The following ANKRD16 variants were observed in gnomAD, a reference collection of about 807,000 sequenced individuals.
ANKRD16 encodes ankyrin repeat domain 16.
ANKRD16 carries 35 observed loss-of-function variants against 37.9 expected under a neutral mutation model. The observed-to-expected ratio is 0.92, with a 90% CI of 0.71 to 1.23. The LOEUF (loss-of-function observed/expected upper bound fraction) is 1.23. Ranked by LOEUF, ANKRD16 falls within the 50% of genes most tolerant of loss-of-function variation. The pLI, the probability that ANKRD16 is intolerant of heterozygous loss-of-function variation, is 0.00. For missense variants in ANKRD16, 480 were observed against 469.9 expected (o/e 1.02, Z -0.20); for synonymous variants, 206 against 197.2 (o/e 1.04, Z -0.37).
chr10:5,871,336 G>A lies in ANKRD16; in HGVS notation c.*33+6761C>T, dbSNP rs1842086571. ...CGGGAGGCAGAGGTTGCTGTGAGCCGAGATTGAGCCATTGCACTCTAGCCT... is the reference window on the plus strand; with the variant it reads ...CGGGAGGCAGAGGTTGCTGTGAGCCAAGATTGAGCCATTGCACTCTAGCCT... On this transcript the variant is annotated intron_variant, in intron 7 of 7. Transcript: ENST00000380094. The surrounding 1 kb of genome is among the most constrained non-coding windows in gnomAD (Gnocchi z 4.5). Among the ~76,000 whole-genome samples the A allele has an allele frequency of 6.6e-6, 1 of 152,038 alleles. No homozygotes were observed. The highest frequency in any genetic ancestry group is 2.4e-5 in the African/African-American group (1 of 41,358).
In ANKRD16 at chr10:5,862,314, T is replaced by A; in HGVS notation, c.*411A>T. Reference sequence around the variant, plus strand: ...AGTGGTGCTACCACTGTGTTTCATGTTTTTGTGTTTCTTTCTTTCTGTCGG... The same window carrying A: ...AGTGGTGCTACCACTGTGTTTCATGATTTTGTGTTTCTTTCTTTCTGTCGG... On this transcript the variant is annotated 3_prime_UTR_variant, in exon 8 of 8. Transcript: ENST00000380094. The surrounding 1 kb of genome is among the most constrained non-coding windows in gnomAD (Gnocchi z 6.5). The A allele has an allele frequency of 2.5e-6, 1 of 402,546 alleles. No individual in the cohort carries two copies. The highest frequency in any genetic ancestry group is 1.8e-5 in the South Asian group (1 of 54,502). The allele number at this position is 402,546 out of a possible 1,614,324, so 24.9% of individuals were successfully genotyped here. A position where few individuals can be genotyped will look rare whatever the true frequency, so the allele number is the denominator to read the frequency against.
At chr10:5,885,656 T>G in intron 3 of ANKRD16, 67 bp downstream of exon 3, 1 of 1,565,084 alleles carries the variant, frequency 6.4e-7, no homozygotes, top group Non-Finnish European at 8.8e-7. Context: ...GCTCTTTATG[T>G]AGCACTGATA....
Position 5,878,297 on chromosome 10 carries a change from G to T in ANKRD16, c.929-10C>A. On this transcript the variant is annotated splice_polypyrimidine_tract_variant and intron_variant, in intron 6 of 7. Transcript: ENST00000380094. The surrounding 1 kb of genome is among the most constrained non-coding windows in gnomAD (Gnocchi z 5.1). ...CAGGCCAGATGCAGGGCTGAGGGGTGACAAAAATCACATGGACTTAAAACA... is the reference window on the plus strand; with the variant it reads ...CAGGCCAGATGCAGGGCTGAGGGGTTACAAAAATCACATGGACTTAAAACA... 6.2e-7 allele frequency: 1 copy of T among 1,608,366 alleles called. No homozygotes were observed. Among genetic ancestry groups the T allele is most frequent in the South Asian group, 1.1e-5 (1 of 90,272 alleles).
At chr10:5,872,781 T>C (rs186734770) in intron 7 of ANKRD16, among the ~76,000 whole-genome samples, 5,234 of 151,646 alleles carry the variant, frequency 0.035, 123 homozygotes, top group African/African-American at 0.066. Flanking sequence ...TGGTCTTAAT[T>C]TCCTGACCTC....
intron 1 of ANKRD16, 100 bp downstream of exon 1, chr10:5,888,941 G>T: frequency 7.7e-7 from 1 of 1,302,808 alleles, no homozygotes; most frequent in Non-Finnish European, 1.0e-6. Context: ...ACTAGGAGCT[G>T]AGAACAGCTA....
chr10:5,880,129 C>T (rs546907893), intron 6 of ANKRD16, among the ~76,000 whole-genome samples, 169 bp downstream of exon 6: 15 of 144,130 alleles, frequency 1.0e-4, no homozygotes, highest in Non-Finnish European at 1.6e-4. Flanking sequence ...CACTGCACTC[C>T]AGCCTGGGCA....
At chr10:5,883,937 C>T in intron 4 of ANKRD16, 32 bp downstream of exon 4, 1 of 1,596,056 alleles carries the variant, frequency 6.3e-7, no homozygotes, top group Non-Finnish European at 8.6e-7. Flanking sequence ...ATAGGAAGAA[C>T]CAAAAGAATA....
intron 1 of ANKRD16, among the ~76,000 whole-genome samples, chr10:5,888,799 G>C (rs908118447): frequency 6.6e-6 from 1 of 152,212 alleles, no homozygotes; most frequent in African/African-American, 2.4e-5. Context: ...ACTATTCCGT[G>C]CTCTAGAAAG....
chr10:5,888,621 C>T (rs1374558637), intron 1 of ANKRD16, among the ~76,000 whole-genome samples: 1 of 152,200 alleles, frequency 6.6e-6, no homozygotes, highest in African/African-American at 2.4e-5. Context: ...CACACGAGCG[C>T]GTGTATAACT....
chr10:5,866,768 G>A lies in ANKRD16; in HGVS notation c.*34-4077C>T, dbSNP rs1842018844. On this transcript the variant is annotated intron_variant, in intron 7 of 7. Transcript: ENST00000380094. The surrounding 1 kb of genome is among the most constrained non-coding windows in gnomAD (Gnocchi z 4.3). Reference sequence around the variant, plus strand: ...GGGAAAGACCAGCAGAAAGGAAGGAGAGAAAGAGACAGACAGAGAGAAAGA... The same window carrying A: ...GGGAAAGACCAGCAGAAAGGAAGGAAAGAAAGAGACAGACAGAGAGAAAGA... Among the ~76,000 whole-genome samples the A allele has an allele frequency of 6.6e-6, 1 of 152,058 alleles. No individual in the cohort carries two copies. The highest frequency in any genetic ancestry group is 2.4e-5 in the African/African-American group (1 of 41,386).
chr10:5,872,919 GGT>G (rs1351922095), intron 7 of ANKRD16, among the ~76,000 whole-genome samples: 25 of 151,786 alleles, frequency 1.6e-4, no homozygotes, highest in Non-Finnish European at 3.1e-4. Flanking sequence ...GGAGTGCAGT[GGT>G]GTGATCTCGG....
chr10:5,876,739 T>C (rs1233298919), intron 7 of ANKRD16, among the ~76,000 whole-genome samples: 1 of 152,234 alleles, frequency 6.6e-6, no homozygotes, highest in African/African-American at 2.4e-5. Flanking sequence ...AAGGTGGGTG[T>C]GTAATAAGCA....
chr10:5,878,006 AG>A lies in ANKRD16; in HGVS notation c.*33+90del. 1 of 1,361,258 alleles carries A rather than the reference AG, an allele frequency of 7.3e-7. No homozygotes were observed. The highest frequency in any genetic ancestry group is 1.0e-6 in the Non-Finnish European group (1 of 994,238). 84.3% of individuals were successfully genotyped at this position (1,361,258 alleles called of 1,614,324 possible). On this transcript the variant is annotated intron_variant, in intron 7 of 7. Transcript: ENST00000380094. This position sits in a 1 kb window ranked among gnomAD's most constrained non-coding sequence, Gnocchi z 5.1. Reference sequence around the variant, plus strand: ...CAGCAGGAGTGGAACATGCAGGATGAGGGAAGGGAGGAAGTGGAGGAGATGG... The same window carrying A: ...CAGCAGGAGTGGAACATGCAGGATGAGGAAGGGAGGAAGTGGAGGAGATGG...
chr10:5,885,687 G>A (rs753291358), intron 3 of ANKRD16, 36 bp downstream of exon 3: 2 of 1,611,688 alleles, frequency 1.2e-6, no homozygotes, highest in East Asian at 4.5e-5. Context: ...GTCATAGTTA[G>A]CAAATATTTT....
chr10:5,877,453 G>A (rs1842202145), intron 7 of ANKRD16, among the ~76,000 whole-genome samples: 1 of 152,160 alleles, frequency 6.6e-6, no homozygotes, highest in Admixed American at 6.5e-5. Context: ...CTTGAAGGGG[G>A]TCAATACTGA....
Position 5,862,202 on chromosome 10 carries a change from C to A in ANKRD16, c.*523G>T. On this transcript the variant is annotated 3_prime_UTR_variant, in exon 8 of 8. Coordinates refer to ENST00000380094, the MANE Select transcript of ANKRD16 (RefSeq NM_019046.3). This position sits in a 1 kb window ranked among gnomAD's most constrained non-coding sequence, Gnocchi z 6.5. ...ACAGGCATGAGCCACCGCAACCGGCCCCCAGGAATTCTTTAATGGTTCCAG... is the reference window on the plus strand; with the variant it reads ...ACAGGCATGAGCCACCGCAACCGGCACCCAGGAATTCTTTAATGGTTCCAG... The A allele has an allele frequency of 3.8e-6, 1 of 262,180 alleles. No homozygotes were observed. Among genetic ancestry groups the A allele is most frequent in the South Asian group, 4.0e-5 (1 of 24,930 alleles). The allele number at this position is 262,180 out of a possible 1,614,324, so 16.2% of individuals were successfully genotyped here.
At chr10:5,873,702 A>G (rs1477192200) in intron 7 of ANKRD16, among the ~76,000 whole-genome samples, 1 of 151,932 alleles carries the variant, frequency 6.6e-6, no homozygotes. Flanking sequence ...CCCTCTTCTC[A>G]CTGTCTGAGC....
Position 5,870,307 on chromosome 10 carries a change from C to A in ANKRD16, c.*34-7616G>T, listed in dbSNP as rs1223009441. ...CAGTGAGGTCAGCTTCGCAGGGGCCCCCAGTGCACCCGCACAGTGAGGTCA... is the reference window on the plus strand; with the variant it reads ...CAGTGAGGTCAGCTTCGCAGGGGCCACCAGTGCACCCGCACAGTGAGGTCA... On this transcript the variant is annotated intron_variant, in intron 7 of 7. Transcript: ENST00000380094. This position sits in a 1 kb window ranked among gnomAD's most constrained non-coding sequence, Gnocchi z 5.0. Among the ~76,000 whole-genome samples the A allele has an allele frequency of 6.6e-6, 1 of 152,112 alleles. No individual in the cohort carries two copies. Among genetic ancestry groups the A allele is most frequent in the Admixed American group, 6.5e-5 (1 of 15,276 alleles).
Position 5,868,328 on chromosome 10 carries a change from C to T in ANKRD16, c.*34-5637G>A, listed in dbSNP as rs1363245289. 1.3e-5 allele frequency among the ~76,000 whole-genome samples: 2 copies of T among 152,078 alleles called. No individual in the cohort carries two copies. Among genetic ancestry groups the T allele is most frequent in the Non-Finnish European group, 1.5e-5 (1 of 68,018 alleles). Reference sequence around the variant, plus strand: ...TACAACTGCAGGGACCCTTCTTTGCCCCTATCCAGCAGGAAGTAGCTAGAA... The same window carrying T: ...TACAACTGCAGGGACCCTTCTTTGCTCCTATCCAGCAGGAAGTAGCTAGAA... On this transcript the variant is annotated intron_variant, in intron 7 of 7. Coordinates refer to ENST00000380094, the MANE Select transcript of ANKRD16 (RefSeq NM_019046.3). This position sits in a 1 kb window ranked among gnomAD's most constrained non-coding sequence, Gnocchi z 4.9.
Sources: allele counts gnomAD v4.1 joint callset (sites outside exome capture counted in the v4.1 genomes callset), GRCh38; gene constraint gnomAD v4.1.1; non-coding constraint Gnocchi (gnomAD v3.1); transcripts MANE v1.5; gene names NCBI Gene and HGNC (gene_info 2026-07-23, HGNC 2026-07-21).